The following CDH12 variants were observed in gnomAD, a reference collection of about 807,000 sequenced individuals.
CDH12 encodes cadherin 12.
In CDH12, 41 loss-of-function variants were observed where a neutral mutation model predicts 74.1. That is an observed-to-expected ratio of 0.55 (90% CI 0.43 to 0.72). The LOEUF is 0.72. Ranked by LOEUF, CDH12 falls within the 30% of genes least tolerant of loss-of-function variation. The pLI, the probability that CDH12 is intolerant of heterozygous loss-of-function variation, is 0.00. For missense variants in CDH12, 945 were observed against 977.2 expected (o/e 0.97, Z 0.44); for synonymous variants, 399 against 355.0 (o/e 1.12, Z -1.39).
rs535230399 is a variant in CDH12, at chr5:22,675,343, G to T, written c.-522-169979C>A. ...GCAGCTTCCAAGTGGTGTTGAGCCT[G>T]TGGGTGCACAGAAGTCAAGAATTGA... On this transcript the variant is annotated intron_variant, in intron 1 of 14. Transcript: ENST00000382254. Among the ~76,000 whole-genome samples, 81 of 152,312 alleles carry T rather than the reference G, an allele frequency of 5.3e-4. No homozygotes were observed. In the South Asian group the frequency reaches 0.014, roughly 27 times the overall value.
At chr5:21,778,235 A>G (rs1745700246) in intron 11 of CDH12, among the ~76,000 whole-genome samples, 1 of 152,132 alleles carries the variant, frequency 6.6e-6, no homozygotes, top group Admixed American at 6.6e-5. Context: ...GCTGTGTGAC[A>G]CTGAGCTACA....
In CDH12 at chr5:22,502,637, T is replaced by TAC. The variant is rs796169904; in HGVS notation, c.-428+2631_-428+2632dup. ...CCAGTCTATTGCCAGCAGTCATCTT[T>TAC]ACACACACACACACGCACACACAGA... On this transcript the variant is annotated intron_variant, in intron 2 of 14. Transcript: ENST00000382254. Among the ~76,000 whole-genome samples, 1,062 of 145,400 alleles carry TAC rather than the reference T, an allele frequency of 7.3e-3. 12 individuals are homozygous for TAC. The highest frequency in any genetic ancestry group is 0.024 in the African/African-American group (988 of 40,620).
intron 1 of CDH12, among the ~76,000 whole-genome samples, chr5:22,581,336 G>A (rs1384510147): frequency 6.6e-6 from 1 of 152,216 alleles, no homozygotes; most frequent in African/African-American, 2.4e-5. Context: ...TAGAGCTTGG[G>A]CTGTGGCTTC....
At position 21,883,384 on chromosome 5, in the gene CDH12, A is replaced by G. The variant is rs988089679; in HGVS notation, c.527-28594T>C. The G allele has an allele frequency of 1.9e-5, 30 of 1,550,912 alleles. No individual in the cohort carries two copies. In the Admixed American group the frequency reaches 2.3e-4, roughly 12 times the overall value. On this transcript the variant is annotated intron_variant, in intron 6 of 14. Transcript: ENST00000382254. Reference sequence around the variant, plus strand: ...ATTGTACCTGCTCTTGAAATTGCCAATGCTCACCATAAGCCTTTGGTGATA... The same window carrying G: ...ATTGTACCTGCTCTTGAAATTGCCAGTGCTCACCATAAGCCTTTGGTGATA...
chr5:22,307,873 GT>G (rs35242143), intron 3 of CDH12, among the ~76,000 whole-genome samples: 25 of 68,672 alleles, frequency 3.6e-4, no homozygotes, highest in African/African-American at 9.1e-4. Context: ...CTTTCTTTTA[GT>G]TTTTTTTTTT....
intron 1 of CDH12, among the ~76,000 whole-genome samples, chr5:22,760,678 C>CAAAAAAAAAAAAAAAAAAAAAAA (rs11284255): frequency 1.6e-5 from 1 of 63,434 alleles, no homozygotes. Flanking sequence ...GACTCCGTCT[C>CAAAAAAAAAAAAAAAAAAAAAAA]AAAAAAAAAA....
At chr5:22,813,637 A>G (rs916388744) in intron 1 of CDH12, among the ~76,000 whole-genome samples, 1 of 151,020 alleles carries the variant, frequency 6.6e-6, no homozygotes, top group Non-Finnish European at 1.5e-5. Flanking sequence ...GAGGAGATTT[A>G]CTCTCCCCTG....
intron 1 of CDH12, among the ~76,000 whole-genome samples, chr5:22,619,651 C>T (rs1164098020): frequency 6.6e-6 from 1 of 151,616 alleles, no homozygotes; most frequent in Non-Finnish European, 1.5e-5. Context: ...TCATGAAAAC[C>T]TGAGCTCCCA....
At chr5:22,140,365 C>T (rs1490918976) in intron 4 of CDH12, among the ~76,000 whole-genome samples, 13 of 151,872 alleles carry the variant, frequency 8.6e-5, no homozygotes, top group Non-Finnish European at 1.5e-4. Flanking sequence ...GTTTTGATTA[C>T]ATAAGTAATG....
chr5:22,357,490 C>A (rs566013165), intron 3 of CDH12, among the ~76,000 whole-genome samples: 9 of 151,842 alleles, frequency 5.9e-5, no homozygotes, highest in Non-Finnish European at 8.8e-5. Context: ...AAAATAATTC[C>A]AATTAACATA....
At chr5:22,356,838 T>C (rs1196249843) in intron 3 of CDH12, among the ~76,000 whole-genome samples, 2 of 152,050 alleles carry the variant, frequency 1.3e-5, no homozygotes, top group African/African-American at 4.8e-5. Context: ...AAAAACAAGA[T>C]TGCGTATGTG....
At chr5:22,325,253 T>A (rs1182110021) in intron 3 of CDH12, among the ~76,000 whole-genome samples, 1 of 152,172 alleles carries the variant, frequency 6.6e-6, no homozygotes, top group Non-Finnish European at 1.5e-5. Flanking sequence ...CACTAAAATC[T>A]ATATTCATTT....
intron 1 of CDH12, among the ~76,000 whole-genome samples, chr5:22,821,237 AAATAATAAG>A (rs1405758855): frequency 2.0e-5 from 3 of 152,162 alleles, no homozygotes; most frequent in Admixed American, 6.5e-5. Flanking sequence ...ATGTATCTCA[AAATAATAAG>A]AGCTATCTAT....
intron 5 of CDH12, among the ~76,000 whole-genome samples, chr5:22,042,058 A>G (rs4544800): frequency 0.021 from 3,203 of 152,282 alleles, 122 homozygotes; most frequent in African/African-American, 0.074. Flanking sequence ...TGAACAATCA[A>G]TGCATCATAA....
At chr5:22,559,920 CTT>C (rs1415181416) in intron 1 of CDH12, among the ~76,000 whole-genome samples, 1 of 152,064 alleles carries the variant, frequency 6.6e-6, no homozygotes, top group Non-Finnish European at 1.5e-5. Context: ...CAGAGAAAGA[CTT>C]TGTTTTATTT....
chr5:22,748,378 T>C (rs1157982110), intron 1 of CDH12, among the ~76,000 whole-genome samples: 1 of 151,236 alleles, frequency 6.6e-6, no homozygotes, highest in Non-Finnish European at 1.5e-5. Flanking sequence ...ATATAGATAA[T>C]ACTGGCAGCA....
intron 9 of CDH12, among the ~76,000 whole-genome samples, chr5:21,815,598 C>T (rs1370570993): frequency 1.3e-5 from 2 of 152,168 alleles, no homozygotes; most frequent in African/African-American, 4.8e-5. Context: ...TATGTCATTA[C>T]TAAACAGCTT....
At chr5:22,187,661 AAAAG>A (rs1436341323) in intron 4 of CDH12, among the ~76,000 whole-genome samples, 1 of 143,402 alleles carries the variant, frequency 7.0e-6, no homozygotes, top group African/African-American at 2.7e-5. Flanking sequence ...GAGGAAAAAA[AAAAG>A]AAAGAAAGAA....
Position 22,099,352 on chromosome 5 carries a change from C to T in CDH12, c.-186-20490G>A, listed in dbSNP as rs371745342. Among the ~76,000 whole-genome samples the T allele has an allele frequency of 1.1e-4, 16 of 152,260 alleles. No homozygotes were observed. In the South Asian group the frequency reaches 1.7e-3, roughly 16 times the overall value. On this transcript the variant is annotated intron_variant, in intron 4 of 14. Coordinates refer to ENST00000382254, the MANE Select transcript of CDH12 (RefSeq NM_004061.5). ...TCCTCAATCTTCAGGAAAGGCAGAA[C>T]GGACTAATGATCTTTTAAAAACACA...
Sources: allele counts gnomAD v4.1 joint callset (sites outside exome capture counted in the v4.1 genomes callset), GRCh38; gene constraint gnomAD v4.1.1; transcripts MANE v1.5; gene names NCBI Gene and HGNC (gene_info 2026-07-23, HGNC 2026-07-21).